Variants in NAALAD2 observed in about 807,000 individuals in gnomAD.
The protein encoded by NAALAD2 is N-acetylated-alpha-linked acidic dipeptidase 2.
A neutral mutation model predicts 95.6 loss-of-function variants in NAALAD2; 89 were observed. The ratio of observed to expected loss-of-function variants is 0.93; its 90% CI spans 0.78 to 1.11. NAALAD2 has a LOEUF of 1.11. Among genes scored for constraint, NAALAD2 ranks in the 50% least tolerant of loss-of-function variants. The pLI is 0.00. For synonymous variants in NAALAD2, 264 were observed against 294.4 expected (o/e 0.90, Z 1.06); for missense variants, 894 against 872.4 (o/e 1.02, Z -0.31).
Position 90,147,381 on chromosome 11 carries a change from TGCCAAGAAAATCCA to T in NAALAD2, c.247_260del (p.Ala83AsnfsTer17). 6.2e-7 allele frequency: 1 copy of T among 1,614,048 alleles called. No individual in the cohort carries two copies. The highest frequency in any genetic ancestry group is 8.5e-7 in the Non-Finnish European group (1 of 1,179,988). ...CAGGAACAGAACAAAATTTCTTGCT[TGCCAAGAAAATCCA>T]AACCCAGTGGAAGAAATTTGGACTA... On this transcript the variant is annotated frameshift_variant, in exon 3 of 19. Transcript: ENST00000534061. LOFTEE classifies it high-confidence loss of function.
chr11:90,176,105 A>G (rs1184019027), intron 15 of NAALAD2, 43 bp downstream of exon 15: 1 of 1,474,632 alleles, frequency 6.8e-7, no homozygotes, highest in Non-Finnish European at 9.4e-7. Flanking sequence ...TTTCATCTAC[A>G]GTCCTTTGGC....
intron 2 of NAALAD2, among the ~76,000 whole-genome samples, chr11:90,145,989 T>C (rs1337571377): frequency 2.0e-5 from 3 of 152,114 alleles, no homozygotes; most frequent in Admixed American, 1.3e-4. Context: ...TTTAAGCACA[T>C]GGGTAATAAC....
chr11:90,167,218 C>T (rs996226962), intron 11 of NAALAD2, among the ~76,000 whole-genome samples: 2 of 152,176 alleles, frequency 1.3e-5, no homozygotes, highest in East Asian at 1.9e-4. Flanking sequence ...ACCGGGGCTG[C>T]GCGGGCGCTT....
intron 4 of NAALAD2, among the ~76,000 whole-genome samples, chr11:90,149,441 TTTG>T (rs2134862445): frequency 6.6e-6 from 1 of 152,200 alleles, no homozygotes; most frequent in South Asian, 2.1e-4. Flanking sequence ...TTTGTTTCGT[TTTG>T]TTTTTTTGAG....
At chr11:90,131,771 G>A (rs61903685), upstream of NAALAD2, 1 of 151,576 alleles carries the variant, frequency 6.6e-6, no homozygotes, top group Non-Finnish European at 1.5e-5. Flanking sequence ...GAGAAGAGGA[G>A]GAAAAAATGC....
chr11:90,143,022 A>G (rs1217996523), intron 2 of NAALAD2, among the ~76,000 whole-genome samples: 1 of 152,094 alleles, frequency 6.6e-6, no homozygotes, highest in African/African-American at 2.4e-5. Flanking sequence ...TCCTTTATAA[A>G]GTAGCTGTCA....
Position 90,159,272 on chromosome 11 carries a change from T to G in NAALAD2, c.924T>G (p.Ser308Arg), listed in dbSNP as rs571722338. 3.8e-5 allele frequency: 62 copies of G among 1,613,804 alleles called. No individual in the cohort carries two copies. In the South Asian group the frequency reaches 6.5e-4, roughly 17 times the overall value. Residue 308 changes from serine (S) to arginine (R), a missense_variant, in exon 8 of 19, where the codon AGT becomes AGG. Physicochemically the swap from Ser to Arg is moderately radical, Grantham distance 110 (BLOSUM62 -1). Transcript: ENST00000534061. ...GAGGAATTGCTCCACCAGATAAGAG[T>G]TGGAAGGGAGCCCTTAATGTGAGTT... The part of the protein sequence containing the change: ...YLGGIAPPDK[S>R]WKGALNVSYS...
intron 13 of NAALAD2, 130 bp downstream of exon 13, chr11:90,170,266 C>T (rs886816270): frequency 3.1e-5 from 20 of 643,004 alleles, no homozygotes; most frequent in Non-Finnish European, 5.3e-5. Flanking sequence ...ATAAACAAAA[C>T]AAAATCTTTA....
At chr11:90,168,306 C>T (rs1035481079) in intron 11 of NAALAD2, among the ~76,000 whole-genome samples, 2 of 152,224 alleles carry the variant, frequency 1.3e-5, no homozygotes, top group Non-Finnish European at 2.9e-5. Flanking sequence ...GTAACACTCA[C>T]CGCGAGGGTC....
At chr11:90,179,938 T>C (rs535127897) in intron 16 of NAALAD2, among the ~76,000 whole-genome samples, 1 of 152,274 alleles carries the variant, frequency 6.6e-6, no homozygotes, top group African/African-American at 2.4e-5. Flanking sequence ...TTCTTATAGC[T>C]TTTCTATTTC....
At chr11:90,144,469 G>A (rs752341929) in intron 2 of NAALAD2, among the ~76,000 whole-genome samples, 4 of 151,934 alleles carry the variant, frequency 2.6e-5, no homozygotes, top group African/African-American at 7.3e-5. Flanking sequence ...GGCTGGGCAC[G>A]TTGGCTCATG....
At chr11:90,142,185 G>T (rs10830418) in intron 2 of NAALAD2, among the ~76,000 whole-genome samples, 1 of 151,864 alleles carries the variant, frequency 6.6e-6, no homozygotes, top group African/African-American at 2.4e-5. Flanking sequence ...TTTTTTAGCT[G>T]GTCGGTAGGG....
At chr11:90,161,237 A>C (rs1474992696) in intron 8 of NAALAD2, among the ~76,000 whole-genome samples, 1 of 149,684 alleles carries the variant, frequency 6.7e-6, no homozygotes, top group Non-Finnish European at 1.5e-5. Context: ...ACAGTGAGGA[A>C]AGGAACACAA....
chr11:90,152,580 T>A, intron 6 of NAALAD2, 96 bp downstream of exon 6: 2 of 814,030 alleles, frequency 2.5e-6, no homozygotes, highest in Non-Finnish European at 1.8e-6. Context: ...AATATTAAAC[T>A]AAAATTGAGT....
At chr11:90,148,402 G>T (rs1951802667) in intron 3 of NAALAD2, among the ~76,000 whole-genome samples, 1 of 152,028 alleles carries the variant, frequency 6.6e-6, no homozygotes, top group Admixed American at 6.6e-5. Flanking sequence ...GTCTGGTGTG[G>T]GTGGCTAATG....
intron 2 of NAALAD2, among the ~76,000 whole-genome samples, chr11:90,138,686 T>G (rs1318456882): frequency 6.6e-6 from 1 of 151,004 alleles, no homozygotes; most frequent in Non-Finnish European, 1.5e-5. Context: ...ACTTTTGAAT[T>G]TTTCCAAGAT....
intron 16 of NAALAD2, among the ~76,000 whole-genome samples, chr11:90,180,159 T>C (rs1167244960): frequency 6.6e-6 from 1 of 152,136 alleles, no homozygotes; most frequent in African/African-American, 2.4e-5. Flanking sequence ...CTGTGCTGTC[T>C]TATGTCCTTT....
chr11:90,151,082 G>T (rs1951876787), intron 5 of NAALAD2, among the ~76,000 whole-genome samples: 1 of 151,726 alleles, frequency 6.6e-6, no homozygotes, highest in South Asian at 2.1e-4. Context: ...CACATGTTGA[G>T]AGTTATGTAA....
chr11:90,169,463 T>C (rs934183398), intron 12 of NAALAD2: 1 of 150,396 alleles, frequency 6.6e-6, no homozygotes, highest in Non-Finnish European at 1.5e-5. Context: ...TAGCTCAGGA[T>C]CACCTGAGCC....
Sources: allele counts gnomAD v4.1 joint callset (sites outside exome capture counted in the v4.1 genomes callset), GRCh38; gene constraint gnomAD v4.1.1; transcripts MANE v1.5; gene names NCBI Gene and HGNC (gene_info 2026-07-23, HGNC 2026-07-21).